ROBO1: variants seen among roughly 807,000 people sequenced by gnomAD.
The protein encoded by ROBO1 is roundabout homolog 1.
A neutral mutation model predicts 195.9 loss-of-function variants in ROBO1; 149 were observed. That is an observed-to-expected ratio of 0.76 (90% CI 0.67 to 0.87). The LOEUF (loss-of-function observed/expected upper bound fraction) is 0.87, where lower values mean the gene tolerates loss of function less well. Among genes scored for constraint, ROBO1 ranks in the 40% least tolerant of loss-of-function variants. The pLI, the probability that ROBO1 is intolerant of heterozygous loss-of-function variation, is 0.00. For missense variants in ROBO1, 1,933 were observed against 2,068.3 expected, an observed-to-expected ratio of 0.93 and a Z score of 1.27; for synonymous variants, 816 against 733.2, an observed-to-expected ratio of 1.11 and a Z score of -1.82.
At chr3:79,048,592 C>T (rs1003160717) in intron 3 of ROBO1, among the ~76,000 whole-genome samples, 1 of 152,102 alleles carries the variant, frequency 6.6e-6, no homozygotes, top group South Asian at 2.1e-4. Context: ...AAATCCTTGA[C>T]CACTAACTTA....
intron 1 of ROBO1, among the ~76,000 whole-genome samples, chr3:79,675,231 T>C (rs1946750264): frequency 7.5e-6 from 1 of 132,812 alleles, no homozygotes; most frequent in South Asian, 2.2e-4. Context: ...AGAAATTGAT[T>C]GTGTTTTTTT....
intron 8 of ROBO1, among the ~76,000 whole-genome samples, chr3:78,697,991 A>G: frequency 6.6e-6 from 1 of 152,082 alleles, no homozygotes; most frequent in East Asian, 1.9e-4. Context: ...CATAGATATA[A>G]GTTTTCACTG....
chr3:78,970,861 G>A (rs897829922), intron 3 of ROBO1, among the ~76,000 whole-genome samples: 13 of 151,748 alleles, frequency 8.6e-5, no homozygotes, highest in African/African-American at 3.1e-4. Context: ...TTCAATCTAG[G>A]TCATTTGATA....
At chr3:78,763,977 C>T (rs147067953) in intron 4 of ROBO1, among the ~76,000 whole-genome samples, 3 of 152,152 alleles carry the variant, frequency 2.0e-5, no homozygotes, top group Admixed American at 6.6e-5. Flanking sequence ...ACGTGTCAAA[C>T]GATTTTATTT....
intron 4 of ROBO1, among the ~76,000 whole-genome samples, chr3:78,785,327 G>A (rs1405082870): frequency 6.6e-6 from 1 of 152,082 alleles, no homozygotes; most frequent in Non-Finnish European, 1.5e-5. Context: ...AAACTTCAGT[G>A]CAGTGGGGAT....
At chr3:79,743,879 G>A (rs1011497100) in intron 1 of ROBO1, among the ~76,000 whole-genome samples, 3 of 152,096 alleles carry the variant, frequency 2.0e-5, no homozygotes, top group Non-Finnish European at 4.4e-5. Context: ...AATAGCACAC[G>A]GAGCCGTCGT....
At chr3:79,061,795 A>G (rs901977656) in intron 3 of ROBO1, among the ~76,000 whole-genome samples, 1 of 152,188 alleles carries the variant, frequency 6.6e-6, no homozygotes, top group Non-Finnish European at 1.5e-5. Flanking sequence ...ATGGCTAGCC[A>G]TATATAGAAA....
At chr3:78,879,473 A>AT (rs1319865818) in intron 4 of ROBO1, among the ~76,000 whole-genome samples, 1 of 151,944 alleles carries the variant, frequency 6.6e-6, no homozygotes, top group Non-Finnish European at 1.5e-5. Context: ...CTGAAGTAGC[A>AT]TTTTTTATCT....
intron 1 of ROBO1, among the ~76,000 whole-genome samples, chr3:79,676,686 C>G (rs1946794416): frequency 2.0e-5 from 3 of 151,990 alleles, no homozygotes; most frequent in African/African-American, 7.2e-5. Context: ...AAGAAAGAGG[C>G]TTATATCATA....
At chr3:79,143,393 A>C (rs1381949598) in intron 2 of ROBO1, among the ~76,000 whole-genome samples, 2 of 152,080 alleles carry the variant, frequency 1.3e-5, no homozygotes, top group African/African-American at 2.4e-5. Context: ...ATAAAACATG[A>C]TAGTGAATGA....
chr3:78,700,760 T>C (rs1303230540), intron 8 of ROBO1, among the ~76,000 whole-genome samples: 1 of 120,452 alleles, frequency 8.3e-6, no homozygotes, highest in Non-Finnish European at 2.0e-5. Context: ...CCAGATCTTT[T>C]TTTCTTTTTT....
intron 3 of ROBO1, among the ~76,000 whole-genome samples, chr3:78,946,773 G>T (rs371968663): frequency 6.6e-6 from 1 of 152,084 alleles, no homozygotes; most frequent in Non-Finnish European, 1.5e-5. Flanking sequence ...GTATTCAGGA[G>T]ACCCATCTCA....
intron 2 of ROBO1, among the ~76,000 whole-genome samples, chr3:79,523,033 CAG>C (rs1472924374): frequency 6.6e-6 from 1 of 152,092 alleles, no homozygotes; most frequent in Non-Finnish European, 1.5e-5. Context: ...GCTTTACAAT[CAG>C]ATGACAGTTA....
At chr3:78,966,893 G>C (rs2076656464) in intron 3 of ROBO1, among the ~76,000 whole-genome samples, 1 of 152,078 alleles carries the variant, frequency 6.6e-6, no homozygotes, top group Non-Finnish European at 1.5e-5. Context: ...CAGTCCTACA[G>C]CTTTAAACCC....
intron 4 of ROBO1, among the ~76,000 whole-genome samples, chr3:78,888,026 A>T (rs905178757): frequency 6.6e-6 from 1 of 152,222 alleles, no homozygotes; most frequent in Non-Finnish European, 1.5e-5. Context: ...TGAAAAGATC[A>T]TAAGGAAACT....
At chr3:79,671,406 G>C (rs1946628462) in intron 1 of ROBO1, among the ~76,000 whole-genome samples, 2 of 151,702 alleles carry the variant, frequency 1.3e-5, no homozygotes, top group Non-Finnish European at 2.9e-5. Flanking sequence ...ATTTTACCAG[G>C]GAGTCTCTTT....
chr3:79,108,872 G>T (rs2079833933), intron 3 of ROBO1, among the ~76,000 whole-genome samples: 1 of 151,786 alleles, frequency 6.6e-6, no homozygotes, highest in African/African-American at 2.4e-5. Context: ...CATCTAAATT[G>T]CATTTGAAAA....
chr3:78,828,638 G>A (rs548005159), intron 4 of ROBO1, among the ~76,000 whole-genome samples: 1 of 148,156 alleles, frequency 6.7e-6, no homozygotes, highest in Admixed American at 6.8e-5. Flanking sequence ...GATCATTTGG[G>A]TATGTCAGAA....
At chr3:78,881,640 C>A (rs949896207) in intron 4 of ROBO1, among the ~76,000 whole-genome samples, 1 of 152,106 alleles carries the variant, frequency 6.6e-6, no homozygotes, top group South Asian at 2.1e-4. Context: ...TCTCTTACTT[C>A]CTATTGATAA....
Sources: allele counts gnomAD v4.1 joint callset (sites outside exome capture counted in the v4.1 genomes callset), GRCh38; gene constraint gnomAD v4.1.1; transcripts MANE v1.5; gene names NCBI Gene and HGNC (gene_info 2026-07-23, HGNC 2026-07-21).